Variants in POLN observed in about 807,000 individuals in gnomAD.
The protein encoded by POLN is DNA polymerase nu.
In POLN, 108 loss-of-function variants were observed where a neutral mutation model predicts 113.5. The ratio of observed to expected loss-of-function variants is 0.95; its 90% CI spans 0.81 to 1.12. The LOEUF (loss-of-function observed/expected upper bound fraction) is 1.12, where lower values mean the gene tolerates loss of function less well. Ranked by LOEUF, POLN falls within the 50% of genes most tolerant of loss-of-function variation. The probability of loss-of-function intolerance (pLI) is 0.00; values close to 1 mark genes in which losing one functional copy is unlikely to be tolerated. For synonymous variants in POLN, 386 were observed against 391.5 expected (o/e 0.99, Z 0.17); for missense variants, 1,097 against 1,077.1 (o/e 1.02, Z -0.26).
chr4:2,095,748 G>A lies in POLN; in HGVS notation c.2065+103C>T, dbSNP rs1730773116. The A allele has an allele frequency of 9.8e-6, 10 of 1,020,888 alleles. No homozygotes were observed. In the South Asian group the frequency reaches 1.3e-4, roughly 13 times the overall value. 63.2% of individuals were successfully genotyped at this position (1,020,888 alleles called of 1,614,324 possible). A position where few individuals can be genotyped will look rare whatever the true frequency, so the allele number is the denominator to read the frequency against. ...TCATCAGAGCATAAACAACACCCAG[G>A]GACTCACAGACGATTTCTGAGGCAC... On this transcript the variant is annotated intron_variant, in intron 20 of 25. Coordinates refer to ENST00000511885, the MANE Select transcript of POLN (RefSeq NM_181808.4).
intron 5 of POLN, 150 bp downstream of exon 5, chr4:2,207,837 T>C: frequency 2.4e-6 from 2 of 837,732 alleles, no homozygotes; most frequent in East Asian, 2.8e-5. Flanking sequence ...AAGAAACTGA[T>C]GGGAGCATAC....
chr4:2,215,459 GTCAC>G (rs1734091057), intron 3 of POLN, among the ~76,000 whole-genome samples: 1 of 152,348 alleles, frequency 6.6e-6, no homozygotes, highest in Admixed American at 6.5e-5. Flanking sequence ...CTAAGATGCA[GTCAC>G]TCAAAGGCCT....
At chr4:2,153,435 G>C (rs1380435233) in intron 16 of POLN, among the ~76,000 whole-genome samples, 1 of 152,134 alleles carries the variant, frequency 6.6e-6, no homozygotes, top group African/African-American at 2.4e-5. Context: ...TTATGTAAAT[G>C]TGTGTGTGCA....
At chr4:2,157,342 T>A (rs1289420368) in intron 15 of POLN, among the ~76,000 whole-genome samples, 1 of 152,182 alleles carries the variant, frequency 6.6e-6, no homozygotes, top group Non-Finnish European at 1.5e-5. Flanking sequence ...TAGAGCTTCC[T>A]CATAAACAGA....
rs1577714779 is a variant in POLN at position 2,135,721 on chromosome 4, G to A, written c.1732-4431C>T. 2.6e-5 allele frequency among the ~76,000 whole-genome samples: 4 copies of A among 152,348 alleles called. No individual in the cohort carries two copies. The South Asian group carries it at 8.3e-4, about 32-fold the overall frequency. ...GAGAGTCCAAATGTGGGAGAAGCCTGTGGGGGTCACCCAGCACACTGGGGG... is the reference window on the plus strand; with the variant it reads ...GAGAGTCCAAATGTGGGAGAAGCCTATGGGGGTCACCCAGCACACTGGGGG... On this transcript the variant is annotated intron_variant, in intron 16 of 25. Transcript: ENST00000511885.
At chr4:2,176,555 T>G (rs1454764937) in intron 8 of POLN, among the ~76,000 whole-genome samples, 1 of 152,228 alleles carries the variant, frequency 6.6e-6, no homozygotes, top group African/African-American at 2.4e-5. Context: ...TATCCATAGC[T>G]GGACACTTCC....
At chr4:2,085,498 C>G (rs1004960364) in intron 21 of POLN, 115 bp downstream of exon 21, 18 of 1,393,216 alleles carry the variant, frequency 1.3e-5, no homozygotes, top group Admixed American at 4.2e-5. Context: ...TCACCCAGGC[C>G]CCCAAACCAA....
intron 19 of POLN, among the ~76,000 whole-genome samples, chr4:2,107,429 T>C (rs1001627573): frequency 1.3e-5 from 2 of 152,230 alleles, no homozygotes; most frequent in Non-Finnish European, 2.9e-5. Context: ...GTGATCTTGC[T>C]GTTGTTTGTT....
At chr4:2,120,140 A>T (rs1484725372) in intron 19 of POLN, among the ~76,000 whole-genome samples, 2 of 151,730 alleles carry the variant, frequency 1.3e-5, no homozygotes, top group Admixed American at 1.3e-4. Flanking sequence ...TCAGCACCAC[A>T]CTCTCTTGAT....
chr4:2,122,022 C>T (rs1039427554), intron 19 of POLN, among the ~76,000 whole-genome samples: 2 of 152,168 alleles, frequency 1.3e-5, no homozygotes, highest in African/African-American at 2.4e-5. Flanking sequence ...GACAAAAATG[C>T]TTTGCTGTAA....
chr4:2,134,941 C>T (rs564855680), intron 16 of POLN, among the ~76,000 whole-genome samples: 16 of 152,208 alleles, frequency 1.1e-4, no homozygotes, highest in African/African-American at 1.7e-4. Flanking sequence ...CCACCTTCGA[C>T]TAAACTCCTT....
intron 3 of POLN, among the ~76,000 whole-genome samples, chr4:2,218,443 T>TAA (rs577978110): frequency 1.4e-5 from 2 of 146,206 alleles, no homozygotes; most frequent in East Asian, 2.0e-4. Flanking sequence ...GAAACTGCCT[T>TAA]AAAAAAAAAA....
chr4:2,130,962 C>T (rs879890546), intron 17 of POLN, among the ~76,000 whole-genome samples: 13 of 152,104 alleles, frequency 8.5e-5, no homozygotes, highest in Non-Finnish European at 1.9e-4. Flanking sequence ...GGATCACTTG[C>T]GCCCAAGAGT....
At chr4:2,090,196 T>A (rs549445095) in intron 20 of POLN, 2 of 890,856 alleles carry the variant, frequency 2.2e-6, no homozygotes, top group African/African-American at 3.4e-5. Context: ...CCTTTTGCTA[T>A]CTTTCCTGTA....
intron 20 of POLN, among the ~76,000 whole-genome samples, chr4:2,094,705 T>C (rs1730744565): frequency 6.6e-6 from 1 of 152,098 alleles, no homozygotes; most frequent in African/African-American, 2.4e-5. Context: ...AGCTCTGAGG[T>C]TGGAGCTGGC....
At chr4:2,096,470 C>T (rs1730793047) in intron 19 of POLN, among the ~76,000 whole-genome samples, 1 of 152,136 alleles carries the variant, frequency 6.6e-6, no homozygotes, top group Admixed American at 6.5e-5. Context: ...CAGCAATCTC[C>T]AGAGATTAAA....
At chr4:2,102,504 T>C (rs1435169379) in intron 19 of POLN, among the ~76,000 whole-genome samples, 2 of 152,096 alleles carry the variant, frequency 1.3e-5, no homozygotes, top group African/African-American at 4.8e-5. Context: ...GCTACTACCA[T>C]CACTCAAACC....
intron 16 of POLN, among the ~76,000 whole-genome samples, chr4:2,155,428 G>A (rs772322998): frequency 2.6e-5 from 4 of 152,154 alleles, no homozygotes; most frequent in Non-Finnish European, 5.9e-5. Context: ...GAGGCCACAC[G>A]ATTAGCGCAA....
intron 13 of POLN, among the ~76,000 whole-genome samples, chr4:2,160,489 C>G (rs555874335): frequency 6.6e-5 from 10 of 152,142 alleles, no homozygotes; most frequent in African/African-American, 2.4e-4. Flanking sequence ...TCACTGCAAC[C>G]TTAAACTCCT....
Sources: allele counts gnomAD v4.1 joint callset (sites outside exome capture counted in the v4.1 genomes callset), GRCh38; gene constraint gnomAD v4.1.1; transcripts MANE v1.5; gene names NCBI Gene and HGNC (gene_info 2026-07-23, HGNC 2026-07-21).